GABRR3: variants seen among roughly 807,000 people sequenced by gnomAD.
GABRR3 encodes gamma-aminobutyric acid receptor subunit rho-3.
A neutral mutation model predicts 43.2 loss-of-function variants in GABRR3; 29 were observed. That is an observed-to-expected ratio of 0.67 (90% CI 0.50 to 0.92). GABRR3 has a LOEUF of 0.92. GABRR3 is among the 40% of genes least tolerant of loss of function. The probability of loss-of-function intolerance (pLI) is 0.00; values close to 1 mark genes in which losing one functional copy is unlikely to be tolerated. For missense variants in GABRR3, 576 were observed against 572.3 expected, an observed-to-expected ratio of 1.01 and a Z score of -0.07; for synonymous variants, 206 against 195.9, an observed-to-expected ratio of 1.05 and a Z score of -0.43.
At chr3:98,028,042 CT>C (rs1156348448) in intron 2 of GABRR3, among the ~76,000 whole-genome samples, 3 of 151,908 alleles carry the variant, frequency 2.0e-5, no homozygotes, top group African/African-American at 4.8e-5. Context: ...TAGAAATTAA[CT>C]TTTTTATTTT....
At chr3:98,034,824 T>A (rs1423564047) in intron 2 of GABRR3, 39 bp downstream of exon 2, 6 of 1,607,994 alleles carry the variant, frequency 3.7e-6, no homozygotes, top group Non-Finnish European at 5.1e-6. Context: ...TGAGAGAAAC[T>A]GGGCAGTAAT....
chr3:97,997,854 C>T (rs1458032804), intron 8 of GABRR3: 2 of 152,140 alleles, frequency 1.3e-5, no homozygotes, highest in African/African-American at 4.8e-5. Flanking sequence ...GACATGTCTT[C>T]ATTTATTGAG....
At chr3:97,999,767 T>C (rs1706607968) in intron 8 of GABRR3, 1 of 152,126 alleles carries the variant, frequency 6.6e-6, no homozygotes, top group African/African-American at 2.4e-5. Flanking sequence ...TTAATTCTCA[T>C]AGTGACCTTT....
chr3:97,993,075 C>T, intron 8 of GABRR3, 27 bp from the exon 9 acceptor site: 1 of 1,545,748 alleles, frequency 6.5e-7, no homozygotes, highest in East Asian at 2.3e-5. Context: ...GTGGCAAGCT[C>T]AGTGATATAG....
chr3:98,012,383 A>G (rs1706804344), exon 5 of GABRR3: 2 of 1,614,004 alleles, frequency 1.2e-6, no homozygotes, highest in Admixed American at 1.7e-5. Context: ...GTGTACGCGC[A>G]GCATGATATT....
chr3:97,990,688 A>G (rs1279068022), intron 9 of GABRR3, among the ~76,000 whole-genome samples: 1 of 152,106 alleles, frequency 6.6e-6, no homozygotes, highest in Non-Finnish European at 1.5e-5. Context: ...ATTTTGTCCC[A>G]CAAAGATATG....
chr3:98,025,763 C>T, intron 2 of GABRR3, 84 bp from the exon 3 acceptor site: 1 of 831,506 alleles, frequency 1.2e-6, no homozygotes, highest in Non-Finnish European at 1.9e-6. Context: ...CTGTGCTCAA[C>T]ATAACATGTT....
At chr3:98,023,092 C>A (rs1477242552) in intron 3 of GABRR3, among the ~76,000 whole-genome samples, 1 of 152,058 alleles carries the variant, frequency 6.6e-6, no homozygotes, top group African/African-American at 2.4e-5. Flanking sequence ...TATTTAGAAT[C>A]CTGAGTTGGG....
chr3:98,007,707 T>C, intron 7 of GABRR3, 57 bp downstream of exon 7: 1 of 1,594,656 alleles, frequency 6.3e-7, no homozygotes. Context: ...TTGTGGTGCT[T>C]TGCAAACAGT....
chr3:98,000,589 CAAATTGTTAATATTAAT>C (rs1441628375), intron 8 of GABRR3: 1 of 152,060 alleles, frequency 6.6e-6, no homozygotes, highest in Non-Finnish European at 1.5e-5. Flanking sequence ...AGGAGGTGAG[CAAATTGTTAATATTAAT>C]AATTTATGTC....
chr3:98,017,441 G>A (rs1706885309), intron 4 of GABRR3, among the ~76,000 whole-genome samples: 1 of 152,110 alleles, frequency 6.6e-6, no homozygotes, highest in South Asian at 2.1e-4. Flanking sequence ...CCATTAGAAG[G>A]AAAATAGAAG....
At chr3:97,992,403 T>C (rs968127298) in intron 9 of GABRR3, among the ~76,000 whole-genome samples, 7 of 152,202 alleles carry the variant, frequency 4.6e-5, no homozygotes, top group African/African-American at 7.2e-5. Flanking sequence ...GCTGCATTTA[T>C]TCCACCTCTG....
chr3:97,986,722 A>G, exon 10 of GABRR3: 1 of 1,574,244 alleles, frequency 6.4e-7, no homozygotes, highest in South Asian at 1.2e-5. Context: ...TAAATAAAAT[A>G]TACACAATGG....
At chr3:98,032,536 A>T (rs544331233) in intron 2 of GABRR3, among the ~76,000 whole-genome samples, 1 of 152,220 alleles carries the variant, frequency 6.6e-6, no homozygotes, top group Non-Finnish European at 1.5e-5. Context: ...TGCATCATCC[A>T]GGAGTAAAAT....
intron 8 of GABRR3, chr3:98,000,795 T>A (rs1192621923): frequency 6.6e-6 from 1 of 152,032 alleles, no homozygotes; most frequent in African/African-American, 2.4e-5. Context: ...ATGAGGGGGA[T>A]CAGCCCTGAC....
At chr3:98,022,876 A>T (rs538480426) in intron 3 of GABRR3, among the ~76,000 whole-genome samples, 13 of 152,172 alleles carry the variant, frequency 8.5e-5, no homozygotes, top group Non-Finnish European at 1.3e-4. Context: ...ATTTTCATTT[A>T]AAAAAAATCT....
chr3:98,030,070 G>A (rs932097511), intron 2 of GABRR3, among the ~76,000 whole-genome samples: 3 of 150,808 alleles, frequency 2.0e-5, no homozygotes, highest in South Asian at 2.1e-4. Context: ...AGCCGAGATC[G>A]TGTCACTGCA....
intron 5 of GABRR3, among the ~76,000 whole-genome samples, chr3:98,011,314 C>G (rs560417759): frequency 4.3e-4 from 66 of 152,308 alleles, no homozygotes; most frequent in African/African-American, 1.5e-3. Flanking sequence ...AATTTATTCT[C>G]TCACAGATTT....
At chr3:98,007,215 C>T (rs1054192199) in intron 7 of GABRR3, among the ~76,000 whole-genome samples, 8 of 151,972 alleles carry the variant, frequency 5.3e-5, no homozygotes, top group Non-Finnish European at 8.8e-5. Flanking sequence ...GTTTGAGAAG[C>T]TATTTGAACA....
Sources: allele counts gnomAD v4.1 joint callset (sites outside exome capture counted in the v4.1 genomes callset), GRCh38; gene constraint gnomAD v4.1.1; transcripts MANE v1.5; gene names NCBI Gene and HGNC (gene_info 2026-07-23, HGNC 2026-07-21).